Variants in BDP1 observed in about 807,000 individuals in gnomAD.
BDP1 encodes transcription factor TFIIIB component B'' homolog.
In BDP1, 169 loss-of-function variants were observed where a neutral mutation model predicts 266.6. The observed-to-expected ratio is 0.63, with a 90% CI of 0.56 to 0.72. The LOEUF (loss-of-function observed/expected upper bound fraction) is 0.72, where lower values mean the gene tolerates loss of function less well. Among genes scored for constraint, BDP1 ranks in the 30% least tolerant of loss-of-function variants. BDP1 has a pLI of 0.00. For missense variants in BDP1, 3,015 were observed against 3,053.8 expected (o/e 0.99, Z 0.30); for synonymous variants, 1,090 against 1,022.4 (o/e 1.07, Z -1.26).
chr5:71,513,999 G>A (rs993180721), intron 19 of BDP1, among the ~76,000 whole-genome samples: 1 of 151,584 alleles, frequency 6.6e-6, no homozygotes, highest in Non-Finnish European at 1.5e-5. Context: ...CTGGGATTAC[G>A]CTGAGCCGTG....
At chr5:71,549,822 CTTGT>C (rs1202666704) in intron 34 of BDP1, among the ~76,000 whole-genome samples, 1 of 152,116 alleles carries the variant, frequency 6.6e-6, no homozygotes, top group Non-Finnish European at 1.5e-5. Flanking sequence ...TTGTATGAAA[CTTGT>C]TTATTAAGTT....
intron 5 of BDP1, among the ~76,000 whole-genome samples, chr5:71,466,570 ATAT>A (rs1761918898): frequency 6.6e-6 from 1 of 152,188 alleles, no homozygotes; most frequent in Non-Finnish European, 1.5e-5. Context: ...TCAAGTTCTC[ATAT>A]TATTAAGAGC....
chr5:71,554,615 T>A (rs529786521), intron 35 of BDP1, among the ~76,000 whole-genome samples: 2 of 152,332 alleles, frequency 1.3e-5, no homozygotes, highest in Admixed American at 1.3e-4. Context: ...ACCATAGTAC[T>A]TTACTAAGTA....
Position 71,510,537 on chromosome 5 carries a change from G to A in BDP1, c.3445G>A (p.Gly1149Arg), listed in dbSNP as rs1041679200. The A allele has an allele frequency of 1.2e-6, 2 of 1,613,454 alleles. No individual in the cohort carries two copies. The highest frequency in any genetic ancestry group is 2.7e-5 in the African/African-American group (2 of 74,752). Residue 1149 changes from glycine to arginine, a missense_variant, in exon 17 of 39, where the codon GGA becomes AGA. Coordinates refer to ENST00000358731, the MANE Select transcript of BDP1 (RefSeq NM_018429.3). ...EEIDKDLEET[G>R]RREISPEENG... ...AATAGACAAAGATCTGGAAGAAACT[G>A]GAAGAAGAGAAATATCCCCAGAGGA...
At chr5:71,480,955 T>C (rs1008297635) in intron 7 of BDP1, among the ~76,000 whole-genome samples, 1 of 152,108 alleles carries the variant, frequency 6.6e-6, no homozygotes, top group African/African-American at 2.4e-5. Context: ...GGCGGGTGGA[T>C]CACGAGGTCA....
At chr5:71,576,393 C>T in the BDP1 span, among the ~76,000 whole-genome samples, 4 of 152,220 alleles carry the variant, frequency 2.6e-5, no homozygotes, top group Non-Finnish European at 5.9e-5. Context: ...ACCACAAAGA[C>T]ATCACTCAGC....
At chr5:71,475,284 T>A (rs540091559) in intron 7 of BDP1, among the ~76,000 whole-genome samples, 3 of 152,140 alleles carry the variant, frequency 2.0e-5, no homozygotes, top group East Asian at 1.9e-4. Flanking sequence ...ATTAAAAAAA[T>A]TTTTTTGTAG....
Position 71,502,248 on chromosome 5 carries a change from C to T in BDP1, c.2049-351C>T, listed in dbSNP as rs376788691. ...GTCACGTAGTGGTGCAGTCTCTGCTCACTGCAACCTCTGCCTCCCGGTTTC... is the reference window on the plus strand; with the variant it reads ...GTCACGTAGTGGTGCAGTCTCTGCTTACTGCAACCTCTGCCTCCCGGTTTC... On this transcript the variant is annotated intron_variant, in intron 14 of 38. Transcript: ENST00000358731. Among the ~76,000 whole-genome samples, 15 of 145,422 alleles carry T rather than the reference C, an allele frequency of 1.0e-4. 1 individual carries two copies. Among genetic ancestry groups the T allele is most frequent in the African/African-American group, 3.8e-4 (15 of 39,092 alleles).
chr5:71,556,791 C>A, intron 35 of BDP1, 95 bp from the exon 36 acceptor site: 2 of 586,822 alleles, frequency 3.4e-6, no homozygotes, highest in Non-Finnish European at 5.8e-6. Context: ...TGGGAGATAA[C>A]ATAGTTTCTT....
intron 9 of BDP1, 89 bp from the exon 10 acceptor site, chr5:71,489,315 T>C: frequency 1.1e-6 from 1 of 909,014 alleles, no homozygotes; most frequent in Non-Finnish European, 1.7e-6. Flanking sequence ...AAATAAATAA[T>C]ACAGAGGACA....
intron 6 of BDP1, among the ~76,000 whole-genome samples, chr5:71,469,925 T>G (rs906440684): frequency 2.0e-5 from 3 of 147,772 alleles, no homozygotes; most frequent in Non-Finnish European, 3.0e-5. Context: ...CACTGCAACC[T>G]CCGCTTCCCG....
chr5:71,480,277 ATTTTTTTTTTTTTTTT>A (rs552593030), intron 7 of BDP1, among the ~76,000 whole-genome samples: 5 of 105,008 alleles, frequency 4.8e-5, no homozygotes, highest in Non-Finnish European at 3.7e-5. Context: ...TGCCCAGCTA[ATTTTTTTTTTTTTTTT>A]TTTTTTTTTT....
chr5:71,542,034 A>G (rs138284165), intron 29 of BDP1, 71 bp from the exon 30 acceptor site: 2 of 1,274,704 alleles, frequency 1.6e-6, no homozygotes, highest in African/African-American at 3.0e-5. Context: ...TATCAGTGCT[A>G]GACAGACTGT....
In BDP1 at chr5:71,549,444, A is replaced by G; in HGVS notation, c.6833A>G (p.Gln2278Arg). 1.2e-6 allele frequency: 2 copies of G among 1,613,472 alleles called. No homozygotes were observed. Among genetic ancestry groups the G allele is most frequent in the African/African-American group, 2.7e-5 (2 of 75,050 alleles). ...LTVNLVANVP[Q>R]DGEDEQAFIL... ...GTGAATCTAGTTGCTAATGTACCTC[A>G]AGATGGAGAAGATGAACAAGCCTTT... The change falls in exon 34 of 39, where the codon CAA (glutamine) becomes CGA (arginine). Residue 2278 changes from glutamine to arginine, a missense_variant. Physicochemically the swap from Gln to Arg is conservative, Grantham distance 43. Around this residue, in one of 3 missense-constraint regions of BDP1, gnomAD observed 629 missense variants for 632.5 expected, o/e 0.99. Coordinates refer to ENST00000358731, the MANE Select transcript of BDP1 (RefSeq NM_018429.3).
chr5:71,545,355 A>G (rs1742209931), intron 32 of BDP1, 136 bp downstream of exon 32: 2 of 881,970 alleles, frequency 2.3e-6, no homozygotes, highest in African/African-American at 1.7e-5. Context: ...TTTTTTGGAG[A>G]CAGTCTTGTT....
In BDP1 at chr5:71,548,671, T is replaced by C. The variant is rs76985196; in HGVS notation, c.6745-11T>C. The C allele has an allele frequency of 7.5e-4, 1,183 of 1,586,772 alleles. 14 individuals are homozygous for C. In the African/African-American group the frequency reaches 0.014, roughly 18 times the overall value. ...CCAACCTGACTCTTTCATTTTAATT[T>C]TTTATGGCAGTATACACCAACAAGT... On this transcript the variant is annotated splice_polypyrimidine_tract_variant and intron_variant, in intron 32 of 38. Coordinates refer to ENST00000358731, the MANE Select transcript of BDP1 (RefSeq NM_018429.3).
intron 26 of BDP1, among the ~76,000 whole-genome samples, chr5:71,534,096 A>G (rs1280253393): frequency 1.3e-5 from 2 of 152,186 alleles, no homozygotes; most frequent in East Asian, 1.9e-4. Context: ...TTAAATTTTG[A>G]TGAAGTTCAG....
At chr5:71,495,109 A>G in intron 11 of BDP1, 141 bp from the exon 12 acceptor site, 6 of 451,650 alleles carry the variant, frequency 1.3e-5, no homozygotes, top group South Asian at 7.8e-5. Flanking sequence ...AGAAAAGCTA[A>G]TGTAGCAGTT....
rs539568089 is a variant in BDP1 at position 71,457,607 on chromosome 5, C to T, written c.213-972C>T. 2.0e-5 allele frequency among the ~76,000 whole-genome samples: 3 copies of T among 152,184 alleles called. No homozygotes were observed. The South Asian group carries it at 6.2e-4, about 32-fold the overall frequency. ...GGGTTACAGGTGTGAGCCACCGTGC[C>T]CAGCCTCTTTTTATTTTTTTGTGGG... On this transcript the variant is annotated intron_variant, in intron 1 of 38. Coordinates refer to ENST00000358731, the MANE Select transcript of BDP1 (RefSeq NM_018429.3).
Sources: gnomAD v4.1 joint callset for allele counts (sites outside exome capture counted in the v4.1 genomes callset) on GRCh38, gnomAD v4.1.1 for gene constraint, gnomAD v4.1.1 regional missense constraint, MANE v1.5 for transcripts, NCBI Gene and HGNC (gene_info 2026-07-23, HGNC 2026-07-21) for gene names.